Variants in ITSN1 observed in about 807,000 individuals in gnomAD.
ITSN1 encodes intersectin 1.
ITSN1 carries 58 observed loss-of-function variants against 239.8 expected under a neutral mutation model. The observed-to-expected ratio is 0.24, with a 90% CI of 0.20 to 0.30. The LOEUF is 0.30. Among genes scored for constraint, ITSN1 ranks in the 10% least tolerant of loss-of-function variants. ITSN1 has a pLI of 1.00. For synonymous variants in ITSN1, 780 were observed against 770.8 expected, an observed-to-expected ratio of 1.01 and a Z score of -0.20; for missense variants, 1,558 against 2,103.3, an observed-to-expected ratio of 0.74 and a Z score of 5.07.
Position 33,875,235 on chromosome 21 carries a change from G to A in ITSN1, c.4174-119G>A. On this transcript the variant is annotated intron_variant, in intron 33 of 39. Coordinates refer to ENST00000381318, the MANE Select transcript of ITSN1 (RefSeq NM_003024.3). Reference sequence around the variant, plus strand: ...TGCTCAGAGCTGCGATTGCTCAAGTGGGCGCCGTCCATGAAAGGATGGTGC... The same window carrying A: ...TGCTCAGAGCTGCGATTGCTCAAGTAGGCGCCGTCCATGAAAGGATGGTGC... 3 of 1,064,396 alleles carry A rather than the reference G, an allele frequency of 2.8e-6. No individual in the cohort carries two copies. The South Asian group carries it at 4.0e-5, about 14-fold the overall frequency. The allele number at this position is 1,064,396 out of a possible 1,614,324, so 65.9% of individuals were successfully genotyped here.
chr21:33,755,187 AAGTT>A (rs1181103513), intron 7 of ITSN1, 106 bp from the exon 8 acceptor site: 2 of 517,852 alleles, frequency 3.9e-6, no homozygotes, highest in African/African-American at 3.9e-5. Flanking sequence ...TAAAATATGA[AAGTT>A]AGAGATGATT....
intron 11 of ITSN1, among the ~76,000 whole-genome samples, chr21:33,770,031 A>G (rs2069025606): frequency 1.3e-5 from 2 of 150,860 alleles, no homozygotes; most frequent in Admixed American, 1.3e-4. Context: ...TTAATTTATC[A>G]TAAGGGCCCC....
At chr21:33,801,457 C>T (rs1331425833) in intron 19 of ITSN1, among the ~76,000 whole-genome samples, 3 of 152,024 alleles carry the variant, frequency 2.0e-5, no homozygotes, top group Non-Finnish European at 4.4e-5. Context: ...GGCCAAACAT[C>T]CCAAATTATT....
chr21:33,843,416 C>T (rs2074892312), intron 29 of ITSN1, among the ~76,000 whole-genome samples: 1 of 152,194 alleles, frequency 6.6e-6, no homozygotes, highest in Non-Finnish European at 1.5e-5. Context: ...CCCGCCCCAG[C>T]CCTTTGTCCT....
intron 5 of ITSN1, among the ~76,000 whole-genome samples, chr21:33,747,477 A>G (rs774683665): frequency 4.2e-4 from 64 of 152,246 alleles, no homozygotes; most frequent in Middle Eastern, 6.8e-3. Context: ...AGTCTACACA[A>G]TCAAAAGCTC....
At position 33,735,067 on chromosome 21, in the gene ITSN1, A is replaced by G; in HGVS notation, c.209A>G (p.Asp70Gly). ...QIWALADMNN[D>G]GRMDQVEFSI... ...AGGGCACTAGCTGACATGAATAATG[A>G]TGGAAGAATGGATCAAGTGGAGTTT... The change falls in exon 5 of 40, where the codon GAT becomes GGT. Residue 70 changes from aspartate to glycine, a missense_variant. Physicochemically the swap from Asp to Gly is moderately conservative, Grantham distance 94. This residue lies in a region of ITSN1 where 982 missense variants were observed against 1,209.9 expected (regional missense o/e 0.81). Coordinates refer to ENST00000381318, the MANE Select transcript of ITSN1 (RefSeq NM_003024.3). The G allele has an allele frequency of 2.5e-6, 4 of 1,612,996 alleles. No individual in the cohort carries two copies. Among genetic ancestry groups the G allele is most frequent in the Non-Finnish European group, 3.4e-6 (4 of 1,179,656 alleles).
At chr21:33,791,771 A>AGTGTCCATTCTGGTT (rs773788406) in intron 16 of ITSN1, among the ~76,000 whole-genome samples, 349 of 152,318 alleles carry the variant, frequency 2.3e-3, no homozygotes, top group Non-Finnish European at 3.9e-3. Context: ...CATCATGGCC[A>AGTGTCCATTCTGGTT]GTGTCCATTC....
intron 6 of ITSN1, among the ~76,000 whole-genome samples, chr21:33,751,393 CAT>C (rs1290015010): frequency 1.1e-4 from 16 of 152,340 alleles, no homozygotes; most frequent in Non-Finnish European, 1.9e-4. Flanking sequence ...CCTAGTGTCA[CAT>C]GTTATCTGGC....
chr21:33,866,546 G>A (rs996334669), intron 32 of ITSN1, among the ~76,000 whole-genome samples: 3 of 151,878 alleles, frequency 2.0e-5, no homozygotes, highest in Non-Finnish European at 2.9e-5. Context: ...GTGGCACGTC[G>A]TTGCCAGCTG....
intron 25 of ITSN1, among the ~76,000 whole-genome samples, chr21:33,826,120 C>T (rs1239240642): frequency 6.6e-6 from 1 of 152,190 alleles, no homozygotes; most frequent in Non-Finnish European, 1.5e-5. Context: ...CCATGAGTAT[C>T]CCAGAGAGGA....
chr21:33,721,312 T>G, intron 3 of ITSN1, 42 bp downstream of exon 3: 1 of 1,217,928 alleles, frequency 8.2e-7, no homozygotes, highest in Non-Finnish European at 1.2e-6. Context: ...TTATCAGTAG[T>G]GCAGATGTCT....
chr21:33,782,660 A>C (rs1256801644), intron 16 of ITSN1, among the ~76,000 whole-genome samples: 1 of 152,214 alleles, frequency 6.6e-6, no homozygotes, highest in Admixed American at 6.5e-5. Context: ...GAGGAAATGT[A>C]AAATGGTTAG....
intron 20 of ITSN1, among the ~76,000 whole-genome samples, chr21:33,807,836 G>C (rs185166382): frequency 6.6e-6 from 1 of 152,314 alleles, no homozygotes; most frequent in South Asian, 2.1e-4. Flanking sequence ...GGCAGTTAGA[G>C]CAGGGAACTC....
At chr21:33,855,931 C>A (rs940780989) in intron 29 of ITSN1, among the ~76,000 whole-genome samples, 2 of 152,238 alleles carry the variant, frequency 1.3e-5, no homozygotes, top group African/African-American at 4.8e-5. Flanking sequence ...GCACAGCCAC[C>A]TCATCCTCCA....
chr21:33,800,404 A>C (rs2071895863), intron 19 of ITSN1, among the ~76,000 whole-genome samples: 1 of 152,120 alleles, frequency 6.6e-6, no homozygotes, highest in African/African-American at 2.4e-5. Flanking sequence ...GGAGGCCAGG[A>C]GTCTTTAAGA....
chr21:33,691,739 C>G (rs1423070037), intron 1 of ITSN1, among the ~76,000 whole-genome samples: 2 of 152,156 alleles, frequency 1.3e-5, no homozygotes, highest in African/African-American at 2.4e-5. Flanking sequence ...TGAGGGCCCT[C>G]TTTGTGGTGT....
chr21:33,824,219 G>C (rs573327097), intron 25 of ITSN1, among the ~76,000 whole-genome samples: 1 of 152,140 alleles, frequency 6.6e-6, no homozygotes, highest in Admixed American at 6.5e-5. Flanking sequence ...CGTATGAATT[G>C]GAAGTGCTCT....
chr21:33,805,854 A>G (rs932756282), intron 20 of ITSN1, among the ~76,000 whole-genome samples: 20 of 148,786 alleles, frequency 1.3e-4, no homozygotes, highest in South Asian at 8.6e-4. Context: ...TTGTATTTTT[A>G]GTAGAGATGG....
intron 1 of ITSN1, among the ~76,000 whole-genome samples, chr21:33,671,250 ATAAG>A (rs2090256278): frequency 6.6e-6 from 1 of 152,088 alleles, no homozygotes; most frequent in Admixed American, 6.6e-5. Flanking sequence ...AAGAACACTG[ATAAG>A]TGGAATCTTG....
Sources: gnomAD v4.1 joint callset for allele counts (sites outside exome capture counted in the v4.1 genomes callset) on GRCh38, gnomAD v4.1.1 for gene constraint, gnomAD v4.1.1 regional missense constraint, MANE v1.5 for transcripts, NCBI Gene and HGNC (gene_info 2026-07-23, HGNC 2026-07-21) for gene names.